Variants in ASAP1 observed in about 807,000 individuals in gnomAD.
ASAP1 encodes the protein ArfGAP with SH3 domain, ankyrin repeat and PH domain 1, also known as arf-GAP with SH3 domain, ANK repeat and PH domain-containing protein 1.
A neutral mutation model predicts 145.2 loss-of-function variants in ASAP1; 43 were observed. The observed-to-expected ratio is 0.30, with a 90% CI of 0.23 to 0.38. The LOEUF is 0.38. ASAP1 is among the 10% of genes least tolerant of loss of function. The pLI is 1.00. For synonymous variants in ASAP1, 546 were observed against 515.5 expected (o/e 1.06, Z -0.80); for missense variants, 1,018 against 1,355.3 (o/e 0.75, Z 3.91).
chr8:130,085,954 T>C (rs549612245), intron 25 of ASAP1, among the ~76,000 whole-genome samples: 2 of 152,254 alleles, frequency 1.3e-5, no homozygotes, highest in South Asian at 4.1e-4. Flanking sequence ...GTTGTGGTTC[T>C]GGCAGGGAAA....
intron 4 of ASAP1, among the ~76,000 whole-genome samples, chr8:130,228,712 A>G (rs1196334358): frequency 1.3e-5 from 2 of 151,882 alleles, no homozygotes; most frequent in African/African-American, 4.8e-5. Context: ...AAAAAAAAAA[A>G]AAAGAAAAAG....
chr8:130,395,863 A>C (rs962423998), intron 2 of ASAP1, among the ~76,000 whole-genome samples: 1 of 151,990 alleles, frequency 6.6e-6, no homozygotes, highest in South Asian at 2.1e-4. Context: ...ATGGGGTTTC[A>C]CTATGTTAGC....
intron 3 of ASAP1, among the ~76,000 whole-genome samples, chr8:130,294,609 A>G (rs1249373831): frequency 6.6e-6 from 1 of 152,260 alleles, no homozygotes; most frequent in African/African-American, 2.4e-5. Flanking sequence ...TGTCCAACAC[A>G]CAGTGGACTT....
chr8:130,249,132 C>A (rs1465926750), intron 3 of ASAP1, among the ~76,000 whole-genome samples: 1 of 152,114 alleles, frequency 6.6e-6, no homozygotes, highest in East Asian at 1.9e-4. Context: ...CATGCCCCAG[C>A]CAGGTACTTC....
intron 2 of ASAP1, chr8:130,360,868 A>G (rs1411463641): frequency 2.0e-5 from 3 of 152,260 alleles, no homozygotes; most frequent in Non-Finnish European, 4.4e-5. Context: ...AGAAAATCCT[A>G]CCATCCTTCC....
At chr8:130,379,416 C>G (rs1376724870) in intron 2 of ASAP1, among the ~76,000 whole-genome samples, 2 of 152,178 alleles carry the variant, frequency 1.3e-5, no homozygotes, top group Admixed American at 6.5e-5. Flanking sequence ...AGCCAATCAT[C>G]ACACTTGAGA....
intron 3 of ASAP1, among the ~76,000 whole-genome samples, chr8:130,293,708 A>AT (rs1172192418): frequency 2.0e-5 from 3 of 151,888 alleles, no homozygotes; most frequent in Admixed American, 2.0e-4. Context: ...TCTTTAGATT[A>AT]TTTTCACAAA....
At chr8:130,107,135 G>A (rs1285097719) in intron 24 of ASAP1, among the ~76,000 whole-genome samples, 1 of 151,662 alleles carries the variant, frequency 6.6e-6, no homozygotes, top group Non-Finnish European at 1.5e-5. Context: ...CAAGTATGGG[G>A]CAGGATTGGG....
At chr8:130,153,367 A>G (rs1443258259) in intron 12 of ASAP1, among the ~76,000 whole-genome samples, 13 of 120,506 alleles carry the variant, frequency 1.1e-4, no homozygotes, top group Admixed American at 3.3e-4. Flanking sequence ...ATGTATATAT[A>G]TATATATATA....
intron 3 of ASAP1, among the ~76,000 whole-genome samples, chr8:130,251,858 A>G (rs1819217743): frequency 6.6e-6 from 1 of 152,210 alleles, no homozygotes; most frequent in East Asian, 1.9e-4. Context: ...TAAAGCTGTA[A>G]GAAATAGAAA....
intron 16 of ASAP1, among the ~76,000 whole-genome samples, chr8:130,127,125 G>A (rs1228011276): frequency 6.6e-6 from 1 of 152,202 alleles, no homozygotes; most frequent in Non-Finnish European, 1.5e-5. Context: ...GGGAGAAGGC[G>A]ACTTCAATGT....
chr8:130,146,294 TA>T (rs983521603), intron 13 of ASAP1, among the ~76,000 whole-genome samples: 1 of 151,866 alleles, frequency 6.6e-6, no homozygotes, highest in South Asian at 2.1e-4. Context: ...TTAGTAAAAG[TA>T]AAAAAAACCT....
At chr8:130,266,241 G>A (rs1322864233) in intron 3 of ASAP1, among the ~76,000 whole-genome samples, 6 of 152,110 alleles carry the variant, frequency 3.9e-5, no homozygotes, top group Non-Finnish European at 7.4e-5. Context: ...AGGTGCGGCT[G>A]GAGGAGTCTG....
chr8:130,111,210 C>CAAAAAAAAA (rs768575084), intron 24 of ASAP1, among the ~76,000 whole-genome samples: 1 of 41,698 alleles, frequency 2.4e-5, no homozygotes, highest in Admixed American at 3.5e-4. Flanking sequence ...TCATCTCTAC[C>CAAAAAAAAA]AAAAAAAAAA....
At chr8:130,212,823 G>A (rs952423782) in intron 5 of ASAP1, among the ~76,000 whole-genome samples, 6 of 152,200 alleles carry the variant, frequency 3.9e-5, no homozygotes, top group South Asian at 2.1e-4. Context: ...AACCTGCAGC[G>A]TAGCAAACCG....
chr8:130,404,215 T>C (rs1828927219), intron 1 of ASAP1, among the ~76,000 whole-genome samples: 2 of 152,228 alleles, frequency 1.3e-5, no homozygotes, highest in Non-Finnish European at 2.9e-5. Flanking sequence ...GGATAAACGA[T>C]CAAACCATTT....
chr8:130,268,282 T>A (rs1290154297), intron 3 of ASAP1, among the ~76,000 whole-genome samples: 2 of 151,774 alleles, frequency 1.3e-5, no homozygotes, highest in Non-Finnish European at 2.9e-5. Flanking sequence ...GCCCAGGAGC[T>A]CGAGACCAGC....
intron 2 of ASAP1, among the ~76,000 whole-genome samples, chr8:130,372,917 C>T (rs1827278431): frequency 6.6e-6 from 1 of 152,070 alleles, no homozygotes; most frequent in South Asian, 2.1e-4. Flanking sequence ...CATATAGACA[C>T]ACATACACAG....
intron 23 of ASAP1, among the ~76,000 whole-genome samples, chr8:130,112,942 C>G (rs2097549101): frequency 6.6e-6 from 1 of 152,182 alleles, no homozygotes; most frequent in South Asian, 2.1e-4. Flanking sequence ...TCAGTGTCAC[C>G]TGGAGTCCCT....
Sources: gnomAD v4.1 joint callset for allele counts (sites outside exome capture counted in the v4.1 genomes callset) on GRCh38, gnomAD v4.1.1 for gene constraint, MANE v1.5 for transcripts, NCBI Gene and HGNC (gene_info 2026-07-23, HGNC 2026-07-21) for gene names.